Variants in HEPH observed in about 807,000 individuals in gnomAD.
HEPH encodes hephaestin.
A neutral mutation model predicts 80.8 loss-of-function variants in HEPH; 69 were observed. The observed-to-expected ratio is 0.85, with a 90% CI of 0.70 to 1.04. The LOEUF (loss-of-function observed/expected upper bound fraction) is 1.04. Among genes scored for constraint, HEPH ranks in the 50% least tolerant of loss-of-function variants. The probability of loss-of-function intolerance (pLI) is 0.00; values close to 1 mark genes in which losing one functional copy is unlikely to be tolerated. For synonymous variants in HEPH, 431 were observed against 322.8 expected (o/e 1.34, Z -3.60); for missense variants, 1,115 against 891.3 (o/e 1.25, Z -3.20).
At chrX:66,253,656 A>C (rs781014137) in intron 15 of HEPH, among the ~76,000 whole-genome samples, 1 of 112,130 alleles carries the variant, frequency 8.9e-6, no homozygotes, top group Non-Finnish European at 1.9e-5. Flanking sequence ...TGATAGCAGC[A>C]CTATTCATAA....
rs943068557 is a variant in HEPH, at chrX:66,260,321, G to A, written c.3199+59G>A. ...TAACACTTTATCTAGCCTATAGGAA[G>A]CAGGTAATACCAAAAAGCCTCTTGA... On this transcript the variant is annotated intron_variant, in intron 19 of 20. Coordinates refer to ENST00000343002, the MANE Select transcript of HEPH (RefSeq NM_001367233.3). The A allele has an allele frequency of 7.0e-6, 7 of 996,729 alleles. No individual in the cohort carries two copies. The African/African-American group carries it at 1.3e-4, about 19-fold the overall frequency. 82.1% of individuals were successfully genotyped at this position (996,729 alleles called of 1,213,427 possible).
intron 17 of HEPH, 67 bp from the exon 18 acceptor site, chrX:66,258,773 G>C: frequency 2.2e-6 from 2 of 924,438 alleles, no homozygotes; most frequent in Non-Finnish European, 2.9e-6. Flanking sequence ...GTGGAAATGG[G>C]AAGTCCAAAG....
chrX:66,186,416 C>T (rs1295033298), intron 4 of HEPH, among the ~76,000 whole-genome samples: 1 of 112,035 alleles, frequency 8.9e-6, no homozygotes, highest in Non-Finnish European at 1.9e-5. Context: ...TGCGCGGTTT[C>T]TTAAGCCGGT....
chrX:66,205,229 A>G (rs2088700703), intron 13 of HEPH, among the ~76,000 whole-genome samples: 1 of 111,892 alleles, frequency 8.9e-6, no homozygotes, highest in African/African-American at 3.3e-5. Flanking sequence ...TCACATAGGT[A>G]GTAAGCATAG....
chrX:66,220,048 A>G (rs1306568585), intron 15 of HEPH, among the ~76,000 whole-genome samples: 5 of 111,415 alleles, frequency 4.5e-5, no homozygotes, highest in African/African-American at 1.6e-4. Flanking sequence ...GACTCTTGCT[A>G]TACAGTATTG....
At chrX:66,208,273 C>A in intron 15 of HEPH, 27 bp downstream of exon 15, 1 of 1,190,065 alleles carries the variant, frequency 8.4e-7, no homozygotes, top group African/African-American at 1.8e-5. Context: ...AGTGAAAGAA[C>A]AAAGGACATG....
At chrX:66,230,021 T>C (rs757279485) in intron 15 of HEPH, among the ~76,000 whole-genome samples, 25 of 100,290 alleles carry the variant, frequency 2.5e-4, no homozygotes, top group South Asian at 1.0e-3. Context: ...TGAGAATATG[T>C]GGTGTTTGGT....
At chrX:66,245,924 G>A (rs2090787697) in intron 15 of HEPH, among the ~76,000 whole-genome samples, 1 of 112,335 alleles carries the variant, frequency 8.9e-6, no homozygotes, top group Admixed American at 9.4e-5. Context: ...TACTGTCTCT[G>A]TGCCTATGTT....
chrX:66,207,422 C>G, intron 14 of HEPH, 88 bp downstream of exon 14: 1 of 659,899 alleles, frequency 1.5e-6, no homozygotes, highest in Middle Eastern at 3.8e-4. Flanking sequence ...CTCACTATTC[C>G]CCATTCTCAA....
intron 15 of HEPH, among the ~76,000 whole-genome samples, chrX:66,215,165 T>A (rs980166231): frequency 3.6e-5 from 4 of 111,882 alleles, no homozygotes; most frequent in African/African-American, 1.3e-4. Flanking sequence ...GTTGTACATA[T>A]GCTTGGTTAA....
intron 15 of HEPH, among the ~76,000 whole-genome samples, chrX:66,254,752 C>A (rs1207055947): frequency 1.0e-5 from 1 of 99,844 alleles, no homozygotes; most frequent in Non-Finnish European, 2.0e-5. Flanking sequence ...CACCCCCGCC[C>A]CGCAAAGAAA....
chrX:66,186,907 G>A (rs969789088), intron 4 of HEPH, among the ~76,000 whole-genome samples: 1 of 110,973 alleles, frequency 9.0e-6, no homozygotes, highest in African/African-American at 3.3e-5. Context: ...CTTCGTAGGG[G>A]CTTTGTTCAT....
At chrX:66,189,988 A>G (rs1373437027) in intron 6 of HEPH, 50 bp downstream of exon 6, 2 of 1,120,316 alleles carry the variant, frequency 1.8e-6, no homozygotes, top group Non-Finnish European at 2.4e-6. Context: ...AGGTATGATA[A>G]TGGTCAAGGG....
chrX:66,245,024 G>T (rs1174898441), intron 15 of HEPH, among the ~76,000 whole-genome samples: 1 of 110,620 alleles, frequency 9.0e-6, no homozygotes, highest in Non-Finnish European at 1.9e-5. Context: ...TAGGCCAACT[G>T]AGGACCAATT....
At chrX:66,192,378 T>C in intron 7 of HEPH, 80 bp downstream of exon 7, 1 of 1,001,160 alleles carries the variant, frequency 1.0e-6, no homozygotes, top group Non-Finnish European at 1.4e-6. Flanking sequence ...TCCAGAAATC[T>C]CTCACTTTAC....
At chrX:66,254,891 G>A (rs767209365) in intron 15 of HEPH, 144 bp from the exon 16 acceptor site, 41 of 372,628 alleles carry the variant, frequency 1.1e-4, no homozygotes, top group Non-Finnish European at 1.7e-4. Flanking sequence ...GAAGAGCAAG[G>A]TCACAAAAAT....
chrX:66,189,585 C>T (rs2087680759), intron 5 of HEPH, 99 bp from the exon 6 acceptor site: 3 of 935,386 alleles, frequency 3.2e-6, no homozygotes, highest in Admixed American at 5.4e-5. Context: ...CTGTTTATAA[C>T]CTCATTTAAA....
intron 15 of HEPH, among the ~76,000 whole-genome samples, chrX:66,213,764 G>T (rs1052155510): frequency 1.8e-5 from 2 of 111,573 alleles, no homozygotes; most frequent in African/African-American, 6.5e-5. Flanking sequence ...TAATTAAAGT[G>T]ACATGATACT....
At chrX:66,173,496 C>T in intron 3 of HEPH, 93 bp from the exon 4 acceptor site, 1 of 582,107 alleles carries the variant, frequency 1.7e-6, no homozygotes, top group Non-Finnish European at 2.7e-6. Context: ...AAGACTGGAC[C>T]TAGGGTTCTA....
Sources: allele counts gnomAD v4.1 joint callset (sites outside exome capture counted in the v4.1 genomes callset), GRCh38; gene constraint gnomAD v4.1.1; transcripts MANE v1.5; gene names NCBI Gene and HGNC (gene_info 2026-07-23, HGNC 2026-07-21).